Variants in PHF24 observed in about 807,000 individuals in gnomAD.
The protein encoded by PHF24 is Galpha inhibitory interacting protein.
PHF24 carries 25 observed loss-of-function variants against 42.6 expected under a neutral mutation model. The ratio of observed to expected loss-of-function variants is 0.59; its 90% CI spans 0.43 to 0.82. The LOEUF is 0.82. PHF24 is among the 40% of genes least tolerant of loss of function. The probability of loss-of-function intolerance (pLI) is 0.00; values close to 1 mark genes in which losing one functional copy is unlikely to be tolerated. For synonymous variants in PHF24, 185 were observed against 204.8 expected (o/e 0.90, Z 0.83); for missense variants, 470 against 538.1 (o/e 0.87, Z 1.25).
chr9:34,697,233 G>A, the PHF24 span, among the ~76,000 whole-genome samples: 1 of 152,206 alleles, frequency 6.6e-6, no homozygotes, highest in African/African-American at 2.4e-5. Context: ...TTTAATGTGT[G>A]CATGATTCAC....
At chr9:34,882,105 CA>C in the PHF24 span, among the ~76,000 whole-genome samples, 1 of 152,134 alleles carries the variant, frequency 6.6e-6, no homozygotes, top group Admixed American at 6.5e-5. Flanking sequence ...GAACCAAAGA[CA>C]AAAACCACAT....
chr9:34,741,506 G>A, the PHF24 span, among the ~76,000 whole-genome samples: 2 of 152,030 alleles, frequency 1.3e-5, no homozygotes, highest in Non-Finnish European at 2.9e-5. Flanking sequence ...GGGATTACAG[G>A]CATGTGCCAC....
At chr9:34,973,541 G>T (rs1240101210) in intron 3 of PHF24, among the ~76,000 whole-genome samples, 1 of 152,202 alleles carries the variant, frequency 6.6e-6, no homozygotes, top group African/African-American at 2.4e-5. Context: ...TTATTGATCT[G>T]TTGTCCTGCA....
At chr9:34,874,833 A>G in the PHF24 span, among the ~76,000 whole-genome samples, 2 of 152,166 alleles carry the variant, frequency 1.3e-5, no homozygotes, top group Non-Finnish European at 2.9e-5. Flanking sequence ...TTGTGGGTAC[A>G]TAGTAAGTGT....
the PHF24 span, among the ~76,000 whole-genome samples, chr9:34,761,773 G>A: frequency 3.3e-5 from 5 of 152,000 alleles, no homozygotes; most frequent in African/African-American, 1.2e-4. Context: ...GTATACATGT[G>A]CCATGCTGGT....
chr9:34,787,457 G>A, the PHF24 span, among the ~76,000 whole-genome samples: 6 of 152,150 alleles, frequency 3.9e-5, no homozygotes, highest in East Asian at 1.9e-4. Context: ...AGCTGGAAAC[G>A]AGGGCAAGAA....
chr9:34,784,216 T>TTGTACAAGGAGTTATATGGTTTTGTATG, the PHF24 span, among the ~76,000 whole-genome samples: 1 of 152,206 alleles, frequency 6.6e-6, no homozygotes, highest in African/African-American at 2.4e-5. Flanking sequence ...TTAAGTTTTC[T>TTGTACAAGGAGTTATATGGTTTTGTATG]TGTACAAGGA....
exon 8 of PHF24, chr9:34,980,871 G>A (rs78320855): frequency 6.6e-6 from 1 of 152,222 alleles, no homozygotes; most frequent in African/African-American, 2.4e-5. Context: ...AAGCCCACTT[G>A]CCCTAAGCAT....
chr9:34,701,689 C>T, the PHF24 span, among the ~76,000 whole-genome samples: 1 of 151,944 alleles, frequency 6.6e-6, no homozygotes, highest in Non-Finnish European at 1.5e-5. This position sits in a 1 kb window ranked among gnomAD's most constrained non-coding sequence, Gnocchi z 5.8. Context: ...GGGTGGTGCC[C>T]GCGCATCCGA....
chr9:34,694,159 CTTTTTTT>C, the PHF24 span, among the ~76,000 whole-genome samples: 76 of 66,170 alleles, frequency 1.1e-3, 1 homozygote, highest in Middle Eastern at 0.029. Flanking sequence ...TATCTCTATT[CTTTTTTT>C]TTTTTTTTTT....
chr9:34,768,295 A>T, the PHF24 span, among the ~76,000 whole-genome samples: 2 of 152,228 alleles, frequency 1.3e-5, no homozygotes, highest in South Asian at 2.1e-4. Context: ...ATCCGGCCAA[A>T]ACCACAGACT....
chr9:34,691,353 C>T, the PHF24 span: 4 of 522,174 alleles, frequency 7.7e-6, no homozygotes, highest in South Asian at 1.0e-4. Flanking sequence ...ATGTCCCATT[C>T]TGTGATTCCC....
the PHF24 span, among the ~76,000 whole-genome samples, chr9:34,946,490 C>T: frequency 1.2e-4 from 19 of 152,108 alleles, no homozygotes; most frequent in Non-Finnish European, 2.6e-4. Flanking sequence ...TGTGACTTTG[C>T]TGTTTTACAG....
At chr9:34,723,852 C>T in the PHF24 span, 1 of 1,551,698 alleles carries the variant, frequency 6.4e-7, no homozygotes, top group Non-Finnish European at 8.7e-7. Context: ...TCTTTCTCCC[C>T]AGGGACTCGT....
the PHF24 span, among the ~76,000 whole-genome samples, chr9:34,933,185 TAGTC>T: frequency 1.3e-5 from 2 of 152,110 alleles, no homozygotes; most frequent in South Asian, 2.1e-4. Context: ...TGATAAGTAG[TAGTC>T]AATCAATAAA....
the PHF24 span, among the ~76,000 whole-genome samples, chr9:34,839,482 C>G: frequency 6.6e-6 from 1 of 152,178 alleles, no homozygotes; most frequent in Non-Finnish European, 1.5e-5. Context: ...ATTTATGTTA[C>G]CTGCTTAACC....
the PHF24 span, among the ~76,000 whole-genome samples, chr9:34,705,095 T>C: frequency 1.3e-5 from 2 of 152,106 alleles, no homozygotes; most frequent in Admixed American, 1.3e-4. Flanking sequence ...GAAGTCATTG[T>C]TTCCCTGTTG....
At chr9:34,790,912 T>A in the PHF24 span, among the ~76,000 whole-genome samples, 3 of 152,312 alleles carry the variant, frequency 2.0e-5, no homozygotes, top group South Asian at 6.2e-4. Flanking sequence ...AGCAGGCCAG[T>A]GTGACTGGAC....
the PHF24 span, among the ~76,000 whole-genome samples, chr9:34,752,279 C>A: frequency 6.6e-6 from 1 of 151,788 alleles, no homozygotes. Flanking sequence ...AAAAGATAAA[C>A]AAAATTGACA....
Sources: gnomAD v4.1 joint callset for allele counts (sites outside exome capture counted in the v4.1 genomes callset) on GRCh38, gnomAD v4.1.1 for gene constraint, Gnocchi (gnomAD v3.1) non-coding constraint, MANE v1.5 for transcripts, NCBI Gene and HGNC (gene_info 2026-07-23, HGNC 2026-07-21) for gene names.